The following CCDC18 variants were observed in gnomAD, a reference collection of about 807,000 sequenced individuals.
CCDC18 encodes the protein coiled-coil domain containing 18.
Under a neutral mutation model 196.0 loss-of-function variants are expected in CCDC18, and 157 were observed. The ratio of observed to expected loss-of-function variants is 0.80; its 90% CI spans 0.70 to 0.91. The LOEUF is 0.91. CCDC18 is among the 40% of genes least tolerant of loss of function. The pLI is 0.00. For missense variants in CCDC18, 1,465 were observed against 1,611.6 expected, an observed-to-expected ratio of 0.91 and a Z score of 1.56; for synonymous variants, 482 against 529.2, an observed-to-expected ratio of 0.91 and a Z score of 1.22.
intron 23 of CCDC18, among the ~76,000 whole-genome samples, chr1:93,250,438 G>C (rs191468386): frequency 6.6e-6 from 1 of 151,994 alleles, no homozygotes; most frequent in East Asian, 1.9e-4. Flanking sequence ...AGTAACAGTG[G>C]GTGAAATGTT....
At chr1:93,180,356 C>A, upstream of CCDC18, 1 of 1,359,624 alleles carries the variant, frequency 7.4e-7, no homozygotes, top group African/African-American at 1.5e-5. Context: ...TGAAGAAACT[C>A]CAGGTGGCGG....
intron 9 of CCDC18, among the ~76,000 whole-genome samples, chr1:93,209,805 G>A (rs1029468323): frequency 1.3e-5 from 2 of 152,188 alleles, no homozygotes; most frequent in Non-Finnish European, 2.9e-5. Context: ...GCTCCTGCTT[G>A]TAATCCCAGC....
chr1:93,260,134 A>G (rs1181853666), intron 26 of CCDC18, among the ~76,000 whole-genome samples: 1 of 152,200 alleles, frequency 6.6e-6, no homozygotes, highest in Non-Finnish European at 1.5e-5. Context: ...CTGTAATCCC[A>G]GTGCTTTGGG....
chr1:93,188,109 A>G (rs1432230841), intron 4 of CCDC18, among the ~76,000 whole-genome samples: 1 of 152,224 alleles, frequency 6.6e-6, no homozygotes, highest in Non-Finnish European at 1.5e-5. Context: ...GTGAGAAAGT[A>G]AGATACTAGT....
chr1:93,251,130 C>T (rs1662182314), intron 23 of CCDC18, among the ~76,000 whole-genome samples: 1 of 151,746 alleles, frequency 6.6e-6, no homozygotes, highest in African/African-American at 2.4e-5. Context: ...CAGGTTTTTG[C>T]TTTGTGGTGA....
intron 17 of CCDC18, among the ~76,000 whole-genome samples, chr1:93,228,440 G>C (rs962805951): frequency 6.6e-6 from 1 of 150,436 alleles, no homozygotes; most frequent in African/African-American, 2.4e-5. Context: ...AAATCTAAGA[G>C]TAAATAATGT....
In CCDC18 at chr1:93,246,646, A is replaced by T. The variant is rs551436780; in HGVS notation, c.3082-192A>T. On this transcript the variant is annotated intron_variant, in intron 22 of 28. Coordinates refer to ENST00000690025, the MANE Select transcript of CCDC18 (RefSeq NM_001378204.1). The stretch of plus-strand genomic sequence containing the variant: ...CATATGGGGCTCATGAGCCAGTATT[A>T]GTAAACAATGATTATTTTTCCCATT... Among the ~76,000 whole-genome samples, 13 of 152,318 alleles carry T rather than the reference A, an allele frequency of 8.5e-5. 1 individual carries two copies. Among genetic ancestry groups the T allele is most frequent in the African/African-American group, 3.1e-4 (13 of 41,580 alleles).
rs763008846 is a variant in CCDC18, at chr1:93,232,514, A to G, written c.2381A>G (p.Gln794Arg). 6.2e-7 allele frequency: 1 copy of G among 1,612,730 alleles called. No individual in the cohort carries two copies. The highest frequency in any genetic ancestry group is 1.1e-5 in the South Asian group (1 of 90,986). The change falls in exon 18 of 29, where the codon CAG (glutamine) becomes CGG (arginine). Residue 794 changes from glutamine (Q) to arginine (R), a missense_variant. Gln to Arg is a conservative substitution (Grantham distance 43, BLOSUM62 1). Transcript: ENST00000690025. ...EQNVILQHTL[Q>R]QQQQMLQQET... The stretch of plus-strand genomic sequence containing the variant: ...AACGTTATTCTACAGCATACTCTTC[A>G]GCAACAGCAGCAAATGTTACAACAA...
intron 17 of CCDC18, among the ~76,000 whole-genome samples, chr1:93,232,168 A>C (rs939343402): frequency 2.0e-5 from 3 of 152,230 alleles, no homozygotes; most frequent in Non-Finnish European, 4.4e-5. Flanking sequence ...CAGGCAAAAC[A>C]ACCTCATCAC....
At chr1:93,268,574 A>C (rs1158259286) in intron 27 of CCDC18, among the ~76,000 whole-genome samples, 1 of 118,316 alleles carries the variant, frequency 8.5e-6, no homozygotes, top group Non-Finnish European at 1.6e-5. Context: ...AACTTAAACA[A>C]ATTTACAAGA....
chr1:93,217,817 C>T lies in CCDC18; in HGVS notation c.1910C>T (p.Ala637Val). 1.2e-6 allele frequency: 2 copies of T among 1,612,178 alleles called. No homozygotes were observed. Among genetic ancestry groups the T allele is most frequent in the African/African-American group, 1.3e-5 (1 of 74,898 alleles). ...AAAATTTGTTTAGCCTTTGAAAAAG[C>T]AAAGAAAATTCACTTGGAACAGCAT... Reference protein sequence around the residue: ...HEKICLAFEKAKKIHLEQHKE... With the variant: ...HEKICLAFEKVKKIHLEQHKE... The change falls in exon 14 of 29, where the codon GCA (alanine) becomes GTA (valine). Residue 637 changes from alanine to valine, a missense_variant. By Grantham distance (64) the Ala-to-Val change is moderately conservative (BLOSUM62 0). Transcript: ENST00000690025.
intron 25 of CCDC18, among the ~76,000 whole-genome samples, chr1:93,257,241 A>AC (rs369146530): frequency 0.094 from 12,860 of 137,224 alleles, 1,015 homozygotes; most frequent in East Asian, 0.27. Flanking sequence ...CAAAAAAAAA[A>AC]AAAAAAAAAA....
intron 9 of CCDC18, among the ~76,000 whole-genome samples, chr1:93,208,338 G>GTTT (rs34659994): frequency 1.4e-5 from 2 of 147,686 alleles, no homozygotes; most frequent in Admixed American, 6.7e-5. Context: ...TTTTTTGTTT[G>GTTT]TTTGTTTTTT....
chr1:93,227,335 T>C (rs1179178363), intron 17 of CCDC18, among the ~76,000 whole-genome samples: 4 of 143,806 alleles, frequency 2.8e-5, no homozygotes, highest in African/African-American at 1.0e-4. Context: ...ATTTTTTGTA[T>C]TTTTTTTTTT....
At chr1:93,231,722 G>A (rs999566841) in intron 17 of CCDC18, among the ~76,000 whole-genome samples, 1 of 152,134 alleles carries the variant, frequency 6.6e-6, no homozygotes, top group Non-Finnish European at 1.5e-5. Flanking sequence ...AATATATAGA[G>A]TAATTAGTGA....
At chr1:93,240,904 T>A (rs1213762429) in intron 21 of CCDC18, among the ~76,000 whole-genome samples, 2 of 152,210 alleles carry the variant, frequency 1.3e-5, no homozygotes, top group Non-Finnish European at 1.5e-5. Flanking sequence ...TCTTGTTCTC[T>A]CTTTCCATCC....
At chr1:93,184,528 A>G (rs1650291486) in intron 3 of CCDC18, among the ~76,000 whole-genome samples, 1 of 151,958 alleles carries the variant, frequency 6.6e-6, no homozygotes, top group South Asian at 2.1e-4. Flanking sequence ...TGGATCAAGT[A>G]CTTTGGATAG....
intron 27 of CCDC18, among the ~76,000 whole-genome samples, chr1:93,268,088 A>G (rs1287853089): frequency 6.6e-6 from 1 of 152,228 alleles, no homozygotes; most frequent in Non-Finnish European, 1.5e-5. Flanking sequence ...ATATAGACCA[A>G]TGGAACACAA....
At chr1:93,185,342 T>G (rs578256522) in intron 3 of CCDC18, among the ~76,000 whole-genome samples, 1 of 151,898 alleles carries the variant, frequency 6.6e-6, no homozygotes, top group Non-Finnish European at 1.5e-5. Flanking sequence ...ACATTTACCT[T>G]GACTTGGAAC....
Sources: gnomAD v4.1 joint callset for allele counts (sites outside exome capture counted in the v4.1 genomes callset) on GRCh38, gnomAD v4.1.1 for gene constraint, MANE v1.5 for transcripts, NCBI Gene and HGNC (gene_info 2026-07-23, HGNC 2026-07-21) for gene names.